The following TMEM132D variants were observed in gnomAD, a reference collection of about 807,000 sequenced individuals.
TMEM132D encodes the protein transmembrane protein 132D.
A neutral mutation model predicts 62.3 loss-of-function variants in TMEM132D; 21 were observed. The ratio of observed to expected loss-of-function variants is 0.34; its 90% CI spans 0.24 to 0.49. TMEM132D has a LOEUF of 0.49. Among genes scored for constraint, TMEM132D ranks in the 20% least tolerant of loss-of-function variants. TMEM132D has a pLI of 0.99. For missense variants in TMEM132D, 1,346 were observed against 1,402.8 expected, an observed-to-expected ratio of 0.96 and a Z score of 0.65; for synonymous variants, 621 against 575.6, an observed-to-expected ratio of 1.08 and a Z score of -1.13.
intron 5 of TMEM132D, among the ~76,000 whole-genome samples, chr12:129,090,829 A>T (rs1874885219): frequency 6.6e-6 from 1 of 152,160 alleles, no homozygotes; most frequent in South Asian, 2.1e-4. Context: ...CTTGGCCCTG[A>T]TGGGGCAGAG....
intron 5 of TMEM132D, among the ~76,000 whole-genome samples, chr12:129,122,861 AT>A (rs1401893136): frequency 6.6e-6 from 1 of 152,238 alleles, no homozygotes; most frequent in African/African-American, 2.4e-5. Context: ...CTCATAACAC[AT>A]CACACCAAAG....
At chr12:129,470,492 T>C (rs954749418) in intron 3 of TMEM132D, among the ~76,000 whole-genome samples, 9 of 152,194 alleles carry the variant, frequency 5.9e-5, no homozygotes, top group Non-Finnish European at 1.3e-4. Context: ...TGTTTCCTGA[T>C]TTACTTCATC....
intron 2 of TMEM132D, among the ~76,000 whole-genome samples, chr12:129,669,241 CT>C (rs1357601427): frequency 1.3e-5 from 2 of 152,126 alleles, no homozygotes; most frequent in Non-Finnish European, 2.9e-5. Context: ...TCATGATTTG[CT>C]TTTAATAAAA....
At chr12:129,434,175 G>T (rs1872731448) in intron 3 of TMEM132D, among the ~76,000 whole-genome samples, 1 of 152,160 alleles carries the variant, frequency 6.6e-6, no homozygotes, top group Non-Finnish European at 1.5e-5. Flanking sequence ...TGGAAGAGGA[G>T]GTCCAGTGAC....
At chr12:129,529,533 A>C (rs1227700448) in intron 3 of TMEM132D, among the ~76,000 whole-genome samples, 1 of 152,234 alleles carries the variant, frequency 6.6e-6, no homozygotes, top group African/African-American at 2.4e-5. Flanking sequence ...CTAATGGTTC[A>C]ACTCCCTCAG....
intron 3 of TMEM132D, among the ~76,000 whole-genome samples, chr12:129,501,304 A>G (rs1483441546): frequency 2.0e-5 from 3 of 152,148 alleles, no homozygotes; most frequent in Admixed American, 6.5e-5. Flanking sequence ...ATACAATCTC[A>G]TGTCTCATGA....
rs114788289 is a variant in TMEM132D at position 129,727,798 on chromosome 12, G to A, written c.80-27100C>T. On this transcript the variant is annotated intron_variant, in intron 1 of 8. Coordinates refer to ENST00000422113, the MANE Select transcript of TMEM132D (RefSeq NM_133448.3). ...TATCACTGGAAGAAAATGTGAAATA[G>A]CAACCTTAAAAGCCTTACATATATT... Among the ~76,000 whole-genome samples the A allele has an allele frequency of 9.9e-3, 1,500 of 152,088 alleles. 31 individuals are homozygous for A. The highest frequency in any genetic ancestry group is 0.034 in the African/African-American group (1,396 of 41,462).
chr12:129,188,295 G>A (rs1270956937), intron 5 of TMEM132D, among the ~76,000 whole-genome samples: 6 of 152,148 alleles, frequency 3.9e-5, no homozygotes, highest in South Asian at 4.1e-4. Context: ...AGCTCAGGGG[G>A]CCCAGTCACC....
At chr12:129,227,369 A>C (rs1879510757) in intron 4 of TMEM132D, among the ~76,000 whole-genome samples, 1 of 142,286 alleles carries the variant, frequency 7.0e-6, no homozygotes. Flanking sequence ...ATTATGTTAT[A>C]AATCCCATGG....
At chr12:129,527,511 C>G (rs539646392) in intron 3 of TMEM132D, among the ~76,000 whole-genome samples, 4 of 152,194 alleles carry the variant, frequency 2.6e-5, no homozygotes, top group African/African-American at 9.6e-5. Context: ...ATGAACTTCT[C>G]TTCAATCAAG....
chr12:129,760,444 T>G (rs953103716), intron 1 of TMEM132D, among the ~76,000 whole-genome samples: 4 of 148,004 alleles, frequency 2.7e-5, no homozygotes, highest in Admixed American at 6.8e-5. Context: ...CCACTCTCCT[T>G]CCTCAGCCTC....
chr12:129,142,843 T>C (rs977480197), intron 5 of TMEM132D, among the ~76,000 whole-genome samples: 1 of 152,124 alleles, frequency 6.6e-6, no homozygotes, highest in Non-Finnish European at 1.5e-5. Flanking sequence ...CCAGCAGCTC[T>C]AGGTACTTTT....
At chr12:129,866,411 A>C (rs182465098) in intron 1 of TMEM132D, among the ~76,000 whole-genome samples, 11 of 122,570 alleles carry the variant, frequency 9.0e-5, no homozygotes, top group Admixed American at 3.1e-4. Flanking sequence ...CATGGACACA[A>C]GGTGGGGAAC....
chr12:129,253,318 G>A (rs1038859862), intron 4 of TMEM132D, among the ~76,000 whole-genome samples: 20 of 151,808 alleles, frequency 1.3e-4, no homozygotes, highest in Non-Finnish European at 2.4e-4. Context: ...CCAAATGACT[G>A]AGACAGTGGT....
chr12:129,279,726 G>A lies in TMEM132D; in HGVS notation c.1299+57908C>T, dbSNP rs565198775. Among the ~76,000 whole-genome samples, 11 of 152,188 alleles carry A rather than the reference G, an allele frequency of 7.2e-5. No individual in the cohort carries two copies. In the East Asian group the frequency reaches 7.7e-4, roughly 11 times the overall value. ...ACTGGGAAACTGAAAAAAATCTTCC[G>A]TTCATTCTTCCCCCCAGCACTGCTG... On this transcript the variant is annotated intron_variant, in intron 4 of 8. Coordinates refer to ENST00000422113, the MANE Select transcript of TMEM132D (RefSeq NM_133448.3).
chr12:129,414,622 A>T (rs77331977), intron 3 of TMEM132D, among the ~76,000 whole-genome samples: 1 of 152,210 alleles, frequency 6.6e-6, no homozygotes, highest in Non-Finnish European at 1.5e-5. Flanking sequence ...CATATTCATC[A>T]CTTCACCTAG....
chr12:129,874,971 C>G (rs1874370360), intron 1 of TMEM132D, among the ~76,000 whole-genome samples: 1 of 152,150 alleles, frequency 6.6e-6, no homozygotes, highest in African/African-American at 2.4e-5. Flanking sequence ...GCCGCCATGC[C>G]CGGGCTGCAC....
At chr12:129,497,395 C>T (rs567158490) in intron 3 of TMEM132D, among the ~76,000 whole-genome samples, 3 of 152,266 alleles carry the variant, frequency 2.0e-5, no homozygotes, top group Admixed American at 2.0e-4. Context: ...TGATAAGTGG[C>T]CCCTGCTCCA....
intron 5 of TMEM132D, among the ~76,000 whole-genome samples, chr12:129,203,136 A>T (rs1262613172): frequency 6.6e-6 from 1 of 152,144 alleles, no homozygotes; most frequent in Non-Finnish European, 1.5e-5. Flanking sequence ...AGCCAACTAC[A>T]GGTAGCCAAC....
Sources: allele counts gnomAD v4.1 joint callset (sites outside exome capture counted in the v4.1 genomes callset), GRCh38; gene constraint gnomAD v4.1.1; transcripts MANE v1.5; gene names NCBI Gene and HGNC (gene_info 2026-07-23, HGNC 2026-07-21).